The following RYR2 variants were observed in gnomAD, a reference collection of about 807,000 sequenced individuals.
RYR2 encodes the protein cardiac muscle ryanodine receptor-calcium release channel.
A neutral mutation model predicts 601.1 loss-of-function variants in RYR2; 227 were observed. The ratio of observed to expected loss-of-function variants is 0.38; its 90% confidence interval spans 0.34 to 0.42. RYR2 has a LOEUF of 0.42. RYR2 is among the 10% of genes least tolerant of loss of function. RYR2 has a pLI of 1.00. For missense variants in RYR2, 4,646 were observed against 6,156.5 expected, an observed-to-expected ratio of 0.75 and a Z score of 8.21; for synonymous variants, 2,223 against 2,175.1, an observed-to-expected ratio of 1.02 and a Z score of -0.61.
rs764502780 is a variant in RYR2, at chr1:237,468,060, G to C, written c.1613-1032G>C. 6.6e-5 allele frequency among the ~76,000 whole-genome samples: 10 copies of C among 151,830 alleles called. 1 individual carries two copies. Among genetic ancestry groups the C allele is most frequent in the Admixed American group, 2.6e-4 (4 of 15,250 alleles). ...TTTTTATTAGAGATGGGGTTTCACT[G>C]TGTTGGTCAGGCTGGTCTTAAATTC... is the stretch of plus-strand genomic sequence containing the variant. On this transcript the variant is annotated intron_variant, in intron 16 of 104. Coordinates refer to ENST00000366574, the MANE Select transcript of RYR2 (RefSeq NM_001035.3).
chr1:237,419,134 TA>T (rs1211361877), intron 11 of RYR2, among the ~76,000 whole-genome samples: 1 of 152,138 alleles, frequency 6.6e-6, no homozygotes, highest in Non-Finnish European at 1.5e-5. Flanking sequence ...TATATGTAAT[TA>T]AATTGTCACT....
At chr1:237,724,205 AT>A (rs1690007132) in intron 74 of RYR2, among the ~76,000 whole-genome samples, 4 of 146,302 alleles carry the variant, frequency 2.7e-5, no homozygotes, top group Non-Finnish European at 4.5e-5. Flanking sequence ...ATATATATAT[AT>A]ATATATATAT....
At chr1:237,805,574 C>CTTTTTTTTTTTT (rs1553334508) in intron 98 of RYR2, among the ~76,000 whole-genome samples, 1 of 100,452 alleles carries the variant, frequency 1.0e-5, no homozygotes, top group Non-Finnish European at 1.8e-5. Flanking sequence ...GAGCTAGACT[C>CTTTTTTTTTTTT]TGTCTCAAAA....
chr1:237,128,233 G>A (rs886995874), intron 1 of RYR2, among the ~76,000 whole-genome samples: 1 of 152,188 alleles, frequency 6.6e-6, no homozygotes, highest in Non-Finnish European at 1.5e-5. Flanking sequence ...AACCAGTCAG[G>A]CGTGGCGGCA....
intron 2 of RYR2, among the ~76,000 whole-genome samples, chr1:237,313,276 G>T (rs1324485948): frequency 6.6e-6 from 1 of 152,072 alleles, no homozygotes; most frequent in African/African-American, 2.4e-5. Context: ...TCGAATTCAG[G>T]GAACCTATGA....
At chr1:237,800,709 AAATCAGTGGC>A (rs1659858975) in intron 97 of RYR2, among the ~76,000 whole-genome samples, 1 of 152,270 alleles carries the variant, frequency 6.6e-6, no homozygotes, top group Non-Finnish European at 1.5e-5. Flanking sequence ...TCTAGCCTAT[AAATCAGTGGC>A]AAGTTCTGAA....
chr1:237,801,645 T>C (rs1659984278), intron 97 of RYR2, among the ~76,000 whole-genome samples: 1 of 152,164 alleles, frequency 6.6e-6, no homozygotes, highest in Admixed American at 6.6e-5. Context: ...TGTTTTGTTT[T>C]CCAAGATCCT....
chr1:237,476,563 C>G (rs1661436362), intron 17 of RYR2, among the ~76,000 whole-genome samples: 1 of 143,218 alleles, frequency 7.0e-6, no homozygotes, highest in Non-Finnish European at 1.5e-5. Flanking sequence ...TGAGTGGTCT[C>G]CAGATATCAA....
intron 29 of RYR2, among the ~76,000 whole-genome samples, chr1:237,586,110 G>GT (rs934813425): frequency 6.6e-6 from 1 of 151,918 alleles, no homozygotes; most frequent in Non-Finnish European, 1.5e-5. Context: ...TACTTTTTTG[G>GT]TTTTTTTAAA....
At chr1:237,409,946 TG>T (rs768291339) in intron 10 of RYR2, among the ~76,000 whole-genome samples, 1 of 152,176 alleles carries the variant, frequency 6.6e-6, no homozygotes, top group African/African-American at 2.4e-5. Flanking sequence ...CCTCTTCTGG[TG>T]TTCAGTATTT....
intron 92 of RYR2, among the ~76,000 whole-genome samples, chr1:237,789,170 C>G (rs1369170380): frequency 6.6e-6 from 1 of 151,876 alleles, no homozygotes; most frequent in East Asian, 1.9e-4. Flanking sequence ...GAACAACAAC[C>G]CTCATAAGAA....
chr1:237,476,293 T>A (rs10157170), intron 17 of RYR2, among the ~76,000 whole-genome samples: 4,699 of 152,002 alleles, frequency 0.031, 256 homozygotes, highest in African/African-American at 0.11. Context: ...GTGGATCACC[T>A]GAGGTCAGGA....
chr1:237,117,197 A>G (rs1172820738), intron 1 of RYR2, among the ~76,000 whole-genome samples: 1 of 152,104 alleles, frequency 6.6e-6, no homozygotes, highest in Non-Finnish European at 1.5e-5. Flanking sequence ...AAAGTAGAGA[A>G]ACTTACTTGA....
chr1:237,450,146 C>G (rs1454027221), intron 14 of RYR2, among the ~76,000 whole-genome samples: 1 of 152,142 alleles, frequency 6.6e-6, no homozygotes, highest in Non-Finnish European at 1.5e-5. Context: ...GCTGTTCCCT[C>G]TAATCCTTTC....
At chr1:237,101,391 C>A (rs1668091352) in intron 1 of RYR2, among the ~76,000 whole-genome samples, 1 of 149,922 alleles carries the variant, frequency 6.7e-6, no homozygotes, top group Admixed American at 6.6e-5. Flanking sequence ...TTAAGGGGAG[C>A]AATCTCCTTA....
At chr1:237,622,188 ATCT>A (rs1316580151) in intron 38 of RYR2, among the ~76,000 whole-genome samples, 25 of 152,232 alleles carry the variant, frequency 1.6e-4, no homozygotes, top group Non-Finnish European at 3.5e-4. Context: ...ATGGGAAAGC[ATCT>A]TTCTCTTCCG....
chr1:237,506,859 T>G (rs1460060317), intron 23 of RYR2, 45 bp downstream of exon 23: 1 of 1,471,922 alleles, frequency 6.8e-7, no homozygotes, highest in Non-Finnish European at 9.5e-7. Flanking sequence ...GAATACATCT[T>G]TCTGAAAACA....
intron 34 of RYR2, among the ~76,000 whole-genome samples, chr1:237,598,193 A>G (rs1074189): frequency 0.29 from 43,656 of 152,108 alleles, 6,723 homozygotes; most frequent in East Asian, 0.6. Flanking sequence ...AGGGAGAGAT[A>G]GGCTTCAATG....
chr1:237,153,113 A>G (rs1351253532), intron 1 of RYR2, among the ~76,000 whole-genome samples: 1 of 152,154 alleles, frequency 6.6e-6, no homozygotes, highest in African/African-American at 2.4e-5. Flanking sequence ...AGACAGGGAA[A>G]CCAATTAGGA....
Sources: gnomAD v4.1 joint callset for allele counts (sites outside exome capture counted in the v4.1 genomes callset) on GRCh38, gnomAD v4.1.1 for gene constraint, MANE v1.5 for transcripts, NCBI Gene and HGNC (gene_info 2026-07-23, HGNC 2026-07-21) for gene names.